TMEM132D: variants seen among roughly 807,000 people sequenced by gnomAD.
The protein encoded by TMEM132D is transmembrane protein 132D.
In TMEM132D, 21 loss-of-function variants were observed where a neutral mutation model predicts 62.3. The observed-to-expected ratio is 0.34, with a 90% CI of 0.24 to 0.49. The LOEUF (loss-of-function observed/expected upper bound fraction) is 0.49. TMEM132D is among the 20% of genes least tolerant of loss of function. The pLI, the probability that TMEM132D is intolerant of heterozygous loss-of-function variation, is 0.99. For synonymous variants in TMEM132D, 621 were observed against 575.6 expected, an observed-to-expected ratio of 1.08 and a Z score of -1.13; for missense variants, 1,346 against 1,402.8, an observed-to-expected ratio of 0.96 and a Z score of 0.65.
chr12:129,618,127 A>G (rs771897788), intron 2 of TMEM132D, among the ~76,000 whole-genome samples: 1 of 152,212 alleles, frequency 6.6e-6, no homozygotes, highest in Admixed American at 6.5e-5. Flanking sequence ...GTAAAATTTA[A>G]TTACATAAGC....
intron 2 of TMEM132D, among the ~76,000 whole-genome samples, chr12:129,656,800 G>A (rs911509223): frequency 1.3e-5 from 2 of 152,058 alleles, no homozygotes; most frequent in Non-Finnish European, 2.9e-5. Context: ...ATAAGAGATA[G>A]GCACTATTAT....
At chr12:129,751,858 C>A (rs1870010116) in intron 1 of TMEM132D, among the ~76,000 whole-genome samples, 1 of 152,172 alleles carries the variant, frequency 6.6e-6, no homozygotes, top group Non-Finnish European at 1.5e-5. Flanking sequence ...GGAAATAAAG[C>A]TGATATTAGT....
At chr12:129,843,782 C>T (rs1045906134) in intron 1 of TMEM132D, among the ~76,000 whole-genome samples, 2 of 152,158 alleles carry the variant, frequency 1.3e-5, no homozygotes, top group African/African-American at 4.8e-5. Context: ...TGACCTCTCC[C>T]TGAACCTATC....
In TMEM132D at chr12:129,531,128, G is replaced by A. The variant is rs116456206; in HGVS notation, c.1046C>T (p.Thr349Met). The change falls in exon 3 of 9, where the codon ACG becomes ATG. Residue 349 changes from threonine to methionine, a missense_variant. Thr to Met is a moderately conservative substitution (Grantham distance 81). Coordinates refer to ENST00000422113, the MANE Select transcript of TMEM132D (RefSeq NM_133448.3). ...SPSIWDVKER[T>M]DYTGKYAPAV... ...TGGTGCATACTTTCCAGTATAATCCGTGCGCTCCTTGACATCCCAAATGGA... is the reference window on the plus strand; with the variant it reads ...TGGTGCATACTTTCCAGTATAATCCATGCGCTCCTTGACATCCCAAATGGA... 360 of 1,613,864 alleles carry A rather than the reference G, an allele frequency of 2.2e-4. No homozygotes were observed. The African/African-American group carries it at 3.9e-3, about 17-fold the overall frequency.
intron 5 of TMEM132D, among the ~76,000 whole-genome samples, chr12:129,147,780 C>G (rs10847783): frequency 6.6e-6 from 1 of 152,084 alleles, no homozygotes; most frequent in East Asian, 1.9e-4. Context: ...TCTGTAGTTG[C>G]TATTTATTTT....
intron 2 of TMEM132D, among the ~76,000 whole-genome samples, chr12:129,636,245 C>G (rs1009902083): frequency 1.3e-5 from 2 of 152,138 alleles, no homozygotes; most frequent in Non-Finnish European, 2.9e-5. Flanking sequence ...GAATGTAGGC[C>G]TTCCCCACAA....
chr12:129,676,248 G>T (rs1161938771), intron 2 of TMEM132D, among the ~76,000 whole-genome samples: 2 of 152,086 alleles, frequency 1.3e-5, no homozygotes, highest in Non-Finnish European at 2.9e-5. Flanking sequence ...TGTAGTAGTA[G>T]TACTTGATAT....
chr12:129,512,991 C>T (rs1041985246), intron 3 of TMEM132D, among the ~76,000 whole-genome samples: 4 of 152,260 alleles, frequency 2.6e-5, no homozygotes, highest in East Asian at 1.9e-4. Context: ...AATTTCTAGA[C>T]GTATTTTGAA....
At chr12:129,267,087 C>G (rs1880717264) in intron 4 of TMEM132D, among the ~76,000 whole-genome samples, 1 of 152,218 alleles carries the variant, frequency 6.6e-6, no homozygotes, top group African/African-American at 2.4e-5. Flanking sequence ...GGTGCCATTT[C>G]ATCCCTTCTC....
chr12:129,172,757 T>G (rs774401748), intron 5 of TMEM132D, among the ~76,000 whole-genome samples: 4 of 152,152 alleles, frequency 2.6e-5, no homozygotes, highest in Non-Finnish European at 5.9e-5. Context: ...TTTGTATTTT[T>G]AGTAGAGACA....
chr12:129,530,252 A>C (rs1357308872), intron 3 of TMEM132D, among the ~76,000 whole-genome samples: 2 of 152,186 alleles, frequency 1.3e-5, no homozygotes, highest in Non-Finnish European at 2.9e-5. Context: ...TTTTCCAAAC[A>C]CTGAGCTAGG....
chr12:129,315,379 T>G (rs4760076), intron 4 of TMEM132D, among the ~76,000 whole-genome samples: 36,148 of 152,010 alleles, frequency 0.24, 4,590 homozygotes, highest in Non-Finnish European at 0.27. Context: ...GTTGAATACT[T>G]TTTCTGCATC....
At chr12:129,648,002 A>C (rs1305369157) in intron 2 of TMEM132D, among the ~76,000 whole-genome samples, 1 of 151,926 alleles carries the variant, frequency 6.6e-6, no homozygotes, top group Non-Finnish European at 1.5e-5. Context: ...GATGATAATA[A>C]CCCCTCCCCA....
chr12:129,261,297 G>C lies in TMEM132D; in HGVS notation c.1300-51634C>G, dbSNP rs538310947. Among the ~76,000 whole-genome samples, 14 of 152,282 alleles carry C rather than the reference G, an allele frequency of 9.2e-5. No individual in the cohort carries two copies. The South Asian group carries it at 2.5e-3, about 27-fold the overall frequency. On this transcript the variant is annotated intron_variant, in intron 4 of 8. Transcript: ENST00000422113. ...TCCTCACATGTCATGGGAGGGACCT[G>C]GTGGGAAGTAATTGAATCATGGGGG...
chr12:129,621,129 A>G (rs1879056191), intron 2 of TMEM132D, among the ~76,000 whole-genome samples: 3 of 151,828 alleles, frequency 2.0e-5, no homozygotes, highest in Admixed American at 1.3e-4. Flanking sequence ...CACTCCTCTG[A>G]CCACCATCCC....
At chr12:129,553,007 G>A (rs1319721828) in intron 2 of TMEM132D, among the ~76,000 whole-genome samples, 1 of 152,114 alleles carries the variant, frequency 6.6e-6, no homozygotes, top group African/African-American at 2.4e-5. Flanking sequence ...CGAGTCTCTG[G>A]GGACAAGAAA....
intron 5 of TMEM132D, among the ~76,000 whole-genome samples, chr12:129,161,254 C>T (rs1877392127): frequency 1.3e-5 from 2 of 152,240 alleles, no homozygotes; most frequent in South Asian, 2.1e-4. Flanking sequence ...ATCATTTATT[C>T]TAAATAAATG....
At chr12:129,239,810 T>C (rs1219347888) in intron 4 of TMEM132D, among the ~76,000 whole-genome samples, 1 of 152,190 alleles carries the variant, frequency 6.6e-6, no homozygotes, top group East Asian at 1.9e-4. Flanking sequence ...TTCTTCTACC[T>C]TGAGAAATGA....
chr12:129,880,799 G>C (rs947101167), intron 1 of TMEM132D, among the ~76,000 whole-genome samples: 6 of 150,292 alleles, frequency 4.0e-5, no homozygotes, highest in Non-Finnish European at 7.4e-5. Context: ...AGAGAAAAGG[G>C]GGATGCCAGA....
Sources: gnomAD v4.1 joint callset for allele counts (sites outside exome capture counted in the v4.1 genomes callset) on GRCh38, gnomAD v4.1.1 for gene constraint, MANE v1.5 for transcripts, NCBI Gene and HGNC (gene_info 2026-07-23, HGNC 2026-07-21) for gene names.